The following RPRD1B variants were observed in gnomAD, a reference collection of about 807,000 sequenced individuals.
RPRD1B encodes the protein regulation of nuclear pre-mRNA domain containing 1B, also known as regulation of nuclear pre-mRNA domain-containing protein 1B.
RPRD1B carries 11 observed loss-of-function variants against 41.5 expected under a neutral mutation model. The observed-to-expected ratio is 0.27, with a 90% CI of 0.17 to 0.44. RPRD1B has a LOEUF of 0.44. Among genes scored for constraint, RPRD1B ranks in the 20% least tolerant of loss-of-function variants. The pLI, the probability that RPRD1B is intolerant of heterozygous loss-of-function variation, is 1.00. For synonymous variants in RPRD1B, 158 were observed against 155.6 expected, an observed-to-expected ratio of 1.02 and a Z score of -0.12; for missense variants, 248 against 389.9, an observed-to-expected ratio of 0.64 and a Z score of 3.06.
chr20:38,082,504 A>T (rs576077126), intron 6 of RPRD1B, among the ~76,000 whole-genome samples: 16 of 152,254 alleles, frequency 1.1e-4, no homozygotes, highest in African/African-American at 3.9e-4. Flanking sequence ...CTCCTGCCTC[A>T]GCCTCCCGAG....
intron 6 of RPRD1B, 138 bp downstream of exon 6, chr20:38,066,394 A>G (rs910167670): frequency 1.2e-6 from 1 of 822,740 alleles, no homozygotes; most frequent in Non-Finnish European, 1.9e-6. Flanking sequence ...CATCCATCAG[A>G]TACTGTAATT....
At chr20:38,070,904 G>C (rs565478025) in intron 6 of RPRD1B, among the ~76,000 whole-genome samples, 3 of 152,184 alleles carry the variant, frequency 2.0e-5, no homozygotes, top group East Asian at 3.9e-4. Flanking sequence ...GCTAATTTTT[G>C]TATTTTTAGT....
At chr20:38,059,666 A>G (rs6022706) in intron 5 of RPRD1B, 146 bp downstream of exon 5, 130,064 of 689,866 alleles carry the variant, frequency 0.19, 16,510 homozygotes, top group African/African-American at 0.52. Flanking sequence ...TGCAAACATA[A>G]CTCACATGGT....
intron 6 of RPRD1B, chr20:38,070,667 G>A (rs1353596991): frequency 2.7e-5 from 27 of 984,514 alleles, no homozygotes; most frequent in Non-Finnish European, 3.1e-5. Context: ...GTGTGAGAAA[G>A]AAACCTATTT....
intron 3 of RPRD1B, among the ~76,000 whole-genome samples, chr20:38,050,007 C>G (rs1878400964): frequency 6.6e-6 from 1 of 152,342 alleles, no homozygotes; most frequent in South Asian, 2.1e-4. Flanking sequence ...ACCGCTTTCA[C>G]TGTGTGATGA....
Position 38,048,476 on chromosome 20 carries a change from C to T in RPRD1B, c.410C>T (p.Pro137Leu), listed in dbSNP as rs140300358. The part of the protein sequence containing the change: ...LSMEDSKSPP[P>L]KATEEKKSLK... ...ATGGAGGACTCCAAGAGCCCTCCCCCCAAAGGTAGAAACATCACCACATGT... is the reference window on the plus strand; with the variant it reads ...ATGGAGGACTCCAAGAGCCCTCCCCTCAAAGGTAGAAACATCACCACATGT... Residue 137 changes from proline to leucine, a missense_variant, in exon 3 of 7, where the codon CCC becomes CTC. Coordinates refer to ENST00000373433, the MANE Select transcript of RPRD1B (RefSeq NM_021215.4). 24 of 1,603,076 alleles carry T rather than the reference C, an allele frequency of 1.5e-5. No homozygotes were observed. Among genetic ancestry groups the T allele is most frequent in the African/African-American group, 4.0e-5 (3 of 74,750 alleles).
At chr20:38,087,537 G>A (rs1337778952) in intron 6 of RPRD1B, among the ~76,000 whole-genome samples, 3 of 152,094 alleles carry the variant, frequency 2.0e-5, no homozygotes, top group African/African-American at 7.2e-5. Context: ...TGTCAGCTTT[G>A]GTCAGAGAAT....
intron 3 of RPRD1B, among the ~76,000 whole-genome samples, chr20:38,055,476 C>T (rs1209504330): frequency 6.7e-6 from 1 of 150,278 alleles, no homozygotes. Context: ...AGCGTCTCTT[C>T]CTCTAGGACG....
intron 5 of RPRD1B, chr20:38,065,735 A>AT (rs1178215302): frequency 5.7e-6 from 1 of 176,502 alleles, no homozygotes; most frequent in African/African-American, 2.4e-5. Flanking sequence ...AGCACTTGCA[A>AT]TTCTCAGAGA....
intron 6 of RPRD1B, chr20:38,070,200 T>A: frequency 5.1e-6 from 5 of 985,388 alleles, no homozygotes; most frequent in Non-Finnish European, 6.0e-6. Context: ...TTTTTTTGTT[T>A]GTTTGTTTTT....
At chr20:38,034,327 C>A (rs976120478) in intron 1 of RPRD1B, among the ~76,000 whole-genome samples, 1 of 152,198 alleles carries the variant, frequency 6.6e-6, no homozygotes, top group African/African-American at 2.4e-5. Flanking sequence ...GTCCAGACTT[C>A]TAGTTCATCA....
chr20:38,057,847 G>A (rs1035548674), intron 4 of RPRD1B, among the ~76,000 whole-genome samples: 9 of 152,096 alleles, frequency 5.9e-5, no homozygotes, highest in African/African-American at 1.9e-4. Flanking sequence ...CTCTGGGATG[G>A]GCTTATGTTT....
At chr20:38,052,752 GT>G (rs146687415) in intron 3 of RPRD1B, among the ~76,000 whole-genome samples, 22,240 of 81,554 alleles carry the variant, frequency 0.27, 2,788 homozygotes, top group South Asian at 0.35. Context: ...CAAACGCGGT[GT>G]TTTTTTTTTT....
At chr20:38,053,975 A>C (rs1468318748) in intron 3 of RPRD1B, among the ~76,000 whole-genome samples, 1 of 152,160 alleles carries the variant, frequency 6.6e-6, no homozygotes, top group South Asian at 2.1e-4. Context: ...TCCCCCATGG[A>C]TACTGAGGGA....
At chr20:38,061,645 C>G (rs148640700) in intron 5 of RPRD1B, among the ~76,000 whole-genome samples, 1 of 152,150 alleles carries the variant, frequency 6.6e-6, no homozygotes, top group African/African-American at 2.4e-5. Flanking sequence ...CCTCATTTCT[C>G]TGTTCTTTTT....
At chr20:38,041,972 T>A (rs1291927752) in intron 2 of RPRD1B, among the ~76,000 whole-genome samples, 1 of 152,120 alleles carries the variant, frequency 6.6e-6, no homozygotes, top group Non-Finnish European at 1.5e-5. Flanking sequence ...ATAGCCTCCA[T>A]GTAAGTGGTG....
chr20:38,040,247 C>CT (rs11477093), intron 1 of RPRD1B, among the ~76,000 whole-genome samples, 188 bp from the exon 2 acceptor site: 34 of 147,440 alleles, frequency 2.3e-4, no homozygotes, highest in South Asian at 6.4e-4. Flanking sequence ...TTTTCTTTTT[C>CT]TTTTTTTTTT....
At chr20:38,039,811 G>C (rs558009638) in intron 1 of RPRD1B, among the ~76,000 whole-genome samples, 29 of 147,242 alleles carry the variant, frequency 2.0e-4, no homozygotes, top group African/African-American at 6.8e-4. Context: ...TCGGCTCACT[G>C]CAACCTCCAC....
At chr20:38,072,182 A>C (rs887284592) in intron 6 of RPRD1B, among the ~76,000 whole-genome samples, 2 of 152,060 alleles carry the variant, frequency 1.3e-5, no homozygotes, top group African/African-American at 4.8e-5. Flanking sequence ...GTTTTGAGTT[A>C]GTTTTTGTAT....
Sources: gnomAD v4.1 joint callset for allele counts (sites outside exome capture counted in the v4.1 genomes callset) on GRCh38, gnomAD v4.1.1 for gene constraint, MANE v1.5 for transcripts, NCBI Gene and HGNC (gene_info 2026-07-23, HGNC 2026-07-21) for gene names.